Variants in ANKS1B observed in about 807,000 individuals in gnomAD.
The protein encoded by ANKS1B is ankyrin repeat and sterile alpha motif domain containing 1B.
A neutral mutation model predicts 148.3 loss-of-function variants in ANKS1B; 36 were observed. The observed-to-expected ratio is 0.24, with a 90% CI of 0.19 to 0.32. The LOEUF (loss-of-function observed/expected upper bound fraction) is 0.32, where lower values mean the gene tolerates loss of function less well. ANKS1B is among the 10% of genes least tolerant of loss of function. ANKS1B has a pLI of 1.00. For synonymous variants in ANKS1B, 542 were observed against 560.8 expected, an observed-to-expected ratio of 0.97 and a Z score of 0.47; for missense variants, 1,157 against 1,542.6, an observed-to-expected ratio of 0.75 and a Z score of 4.19.
chr12:99,776,099 G>A (rs115491047), intron 6 of ANKS1B, among the ~76,000 whole-genome samples: 2 of 152,286 alleles, frequency 1.3e-5, no homozygotes, highest in African/African-American at 2.4e-5. Context: ...TAACATAAAC[G>A]AATGAAATGG....
chr12:99,762,359 A>G (rs919009128), intron 8 of ANKS1B, among the ~76,000 whole-genome samples: 2 of 152,038 alleles, frequency 1.3e-5, no homozygotes, highest in African/African-American at 4.8e-5. Flanking sequence ...AGAACAAAGG[A>G]ACAGAATAGA....
At chr12:99,296,169 C>T (rs1052871177) in intron 12 of ANKS1B, among the ~76,000 whole-genome samples, 3 of 152,060 alleles carry the variant, frequency 2.0e-5, no homozygotes, top group African/African-American at 7.2e-5. Context: ...TTTCTGGACT[C>T]TGTATTTTGT....
At chr12:99,386,123 C>G (rs1188268069) in intron 12 of ANKS1B, 3 of 152,124 alleles carry the variant, frequency 2.0e-5, no homozygotes, top group Admixed American at 6.6e-5. Context: ...TGATTCAGAT[C>G]CAAAAAAGCA....
At chr12:99,126,182 T>G (rs1442801539) in intron 15 of ANKS1B, among the ~76,000 whole-genome samples, 3 of 151,946 alleles carry the variant, frequency 2.0e-5, no homozygotes, top group African/African-American at 7.3e-5. Context: ...GTTTTTGGAG[T>G]TTTGGGAGAA....
intron 17 of ANKS1B, among the ~76,000 whole-genome samples, chr12:98,855,128 C>T (rs2099556277): frequency 6.7e-6 from 1 of 149,202 alleles, no homozygotes; most frequent in African/African-American, 2.5e-5. Flanking sequence ...CACTGCAGTC[C>T]GCAGTCCGAC....
At chr12:99,273,034 A>G (rs1288265761) in intron 12 of ANKS1B, among the ~76,000 whole-genome samples, 5 of 152,192 alleles carry the variant, frequency 3.3e-5, no homozygotes, top group Non-Finnish European at 5.9e-5. Context: ...AGTTGCAATC[A>G]AAAGGAGGGA....
intron 17 of ANKS1B, among the ~76,000 whole-genome samples, chr12:98,930,960 T>C (rs1298705051): frequency 6.6e-6 from 1 of 152,150 alleles, no homozygotes; most frequent in Middle Eastern, 3.2e-3. Context: ...TCCCTTTTTT[T>C]TTTCTCCCCT....
chr12:99,779,999 A>C (rs2064081982), intron 5 of ANKS1B, 27 bp from the exon 6 acceptor site: 1 of 1,464,218 alleles, frequency 6.8e-7, no homozygotes, highest in East Asian at 2.3e-5. Flanking sequence ...AACTCACTAG[A>C]TATACACCAC....
intron 12 of ANKS1B, among the ~76,000 whole-genome samples, chr12:99,345,572 G>A (rs940814548): frequency 1.6e-4 from 24 of 152,016 alleles, no homozygotes; most frequent in African/African-American, 4.6e-4. Context: ...CATCATTTTC[G>A]TTCAGTCCTT....
At chr12:99,924,029 G>A (rs2094428692) in intron 1 of ANKS1B, among the ~76,000 whole-genome samples, 1 of 151,834 alleles carries the variant, frequency 6.6e-6, no homozygotes, top group South Asian at 2.1e-4. Context: ...TAATACTTTG[G>A]CACACTCTTA....
At chr12:99,154,608 T>G in intron 14 of ANKS1B, 1 of 1,464,462 alleles carries the variant, frequency 6.8e-7, no homozygotes, top group Non-Finnish European at 9.0e-7. Context: ...GGAGTATGAC[T>G]TGATCCTAGC....
chr12:99,379,003 C>G lies in ANKS1B; in HGVS notation c.1756+20628G>C, dbSNP rs12299220. Among the ~76,000 whole-genome samples the G allele has an allele frequency of 6.0e-3, 915 of 152,208 alleles. 13 individuals are homozygous for G. Among genetic ancestry groups the G allele is most frequent in the African/African-American group, 0.021 (866 of 41,502 alleles). Reference sequence around the variant, plus strand: ...AAGCATCTATTGTGGTTAACCTATGCGTCTGGCCTTTACATGATGGATATG... The same window carrying G: ...AAGCATCTATTGTGGTTAACCTATGGGTCTGGCCTTTACATGATGGATATG... On this transcript the variant is annotated intron_variant, in intron 12 of 26. Coordinates refer to ENST00000683438, the MANE Select transcript of ANKS1B (RefSeq NM_001352186.2).
At chr12:98,811,049 T>C (rs1228806470) in intron 19 of ANKS1B, among the ~76,000 whole-genome samples, 1 of 123,466 alleles carries the variant, frequency 8.1e-6, no homozygotes, top group African/African-American at 3.2e-5. Flanking sequence ...GTCCCTTTCT[T>C]GTCTGGCTGT....
chr12:99,703,717 T>G (rs2055254350), intron 8 of ANKS1B, among the ~76,000 whole-genome samples: 1 of 152,158 alleles, frequency 6.6e-6, no homozygotes, highest in African/African-American at 2.4e-5. Context: ...CTCATAATTC[T>G]GTTTTATAAT....
chr12:99,293,555 T>C (rs1193205654), intron 12 of ANKS1B, among the ~76,000 whole-genome samples: 4 of 152,120 alleles, frequency 2.6e-5, no homozygotes, highest in Admixed American at 6.6e-5. Context: ...AAATCTAAGA[T>C]TTCAAGCTAT....
chr12:98,754,079 T>A (rs1479782790), intron 25 of ANKS1B, among the ~76,000 whole-genome samples: 1 of 151,850 alleles, frequency 6.6e-6, no homozygotes, highest in Non-Finnish European at 1.5e-5. Context: ...AGCTTGAGAG[T>A]CGGTTTGAGA....
At chr12:99,881,765 G>A (rs897661232) in intron 1 of ANKS1B, among the ~76,000 whole-genome samples, 11 of 152,190 alleles carry the variant, frequency 7.2e-5, no homozygotes, top group Admixed American at 6.5e-4. Context: ...AGCCACTGAA[G>A]GCTGATCAGA....
intron 1 of ANKS1B, among the ~76,000 whole-genome samples, chr12:99,848,511 G>A (rs987224965): frequency 1.3e-5 from 2 of 152,122 alleles, no homozygotes; most frequent in African/African-American, 4.8e-5. Flanking sequence ...AACTGGCACA[G>A]GGATACATAA....
chr12:98,952,776 A>C (rs1197858992), intron 17 of ANKS1B, among the ~76,000 whole-genome samples: 2 of 152,206 alleles, frequency 1.3e-5, no homozygotes, highest in Non-Finnish European at 2.9e-5. Flanking sequence ...CTGCTCTCTG[A>C]ACAAACTTAC....
Sources: allele counts gnomAD v4.1 joint callset (sites outside exome capture counted in the v4.1 genomes callset), GRCh38; gene constraint gnomAD v4.1.1; transcripts MANE v1.5; gene names NCBI Gene and HGNC (gene_info 2026-07-23, HGNC 2026-07-21).